RRBP1: variants seen among roughly 807,000 people sequenced by gnomAD.
The protein encoded by RRBP1 is ribosome-binding protein 1.
Under a neutral mutation model 165.2 loss-of-function variants are expected in RRBP1, and 94 were observed. The ratio of observed to expected loss-of-function variants is 0.57; its 90% CI spans 0.48 to 0.68. The LOEUF is 0.68. Among genes scored for constraint, RRBP1 ranks in the 30% least tolerant of loss-of-function variants. The probability of loss-of-function intolerance (pLI) is 0.00; values close to 1 mark genes in which losing one functional copy is unlikely to be tolerated. For synonymous variants in RRBP1, 680 were observed against 714.5 expected (o/e 0.95, Z 0.77); for missense variants, 1,676 against 1,763.0 (o/e 0.95, Z 0.88).
intron 2 of RRBP1, among the ~76,000 whole-genome samples, chr20:17,674,546 G>T (rs933090215): frequency 6.6e-6 from 1 of 152,050 alleles, no homozygotes; most frequent in Admixed American, 6.6e-5. Context: ...GGTGGATCAC[G>T]AGGTCAGGAG....
intron 2 of RRBP1, among the ~76,000 whole-genome samples, chr20:17,666,341 T>TAA (rs77772144): frequency 0.13 from 18,587 of 142,400 alleles, 1,343 homozygotes; most frequent in Middle Eastern, 0.24. Context: ...CCCTGTCTCT[T>TAA]AAAAAAAAAA....
At chr20:17,625,092 G>C (rs2035990977) in intron 12 of RRBP1, among the ~76,000 whole-genome samples, 1 of 152,142 alleles carries the variant, frequency 6.6e-6, no homozygotes, top group Non-Finnish European at 1.5e-5. Flanking sequence ...AACAGGGCCA[G>C]CCAGCAAGCC....
intron 12 of RRBP1, among the ~76,000 whole-genome samples, 200 bp from the exon 13 acceptor site, chr20:17,624,868 C>T (rs1401611721): frequency 2.6e-5 from 4 of 152,340 alleles, no homozygotes; most frequent in Admixed American, 6.5e-5. Context: ...TAGCCAGAGG[C>T]GGGCAGCATG....
At chr20:17,617,582 A>G (rs2035825665) in intron 20 of RRBP1, among the ~76,000 whole-genome samples, 1 of 152,182 alleles carries the variant, frequency 6.6e-6, no homozygotes, top group Non-Finnish European at 1.5e-5. Context: ...TTTTCTCTGC[A>G]CATCCCCGGC....
rs75194649 is a variant in RRBP1 at position 17,661,549 on chromosome 20, C to A, written c.-21-1021G>T. The stretch of plus-strand genomic sequence containing the variant: ...AGGTTCATACACCTTCCTGCCACAG[C>A]CCGGGCTAAGTTCGACTTCACTGAG... On this transcript the variant is annotated intron_variant, in intron 2 of 24. Transcript: ENST00000377813. Among the ~76,000 whole-genome samples, 606 of 152,306 alleles carry A rather than the reference C, an allele frequency of 4.0e-3. 9 individuals are homozygous for A. The highest frequency in any genetic ancestry group is 0.014 in the African/African-American group (568 of 41,562).
chr20:17,665,872 A>G (rs1747102355), intron 2 of RRBP1, among the ~76,000 whole-genome samples: 1 of 152,178 alleles, frequency 6.6e-6, no homozygotes, highest in Non-Finnish European at 1.5e-5. Context: ...CCAGGAATTT[A>G]CTTTGGTATG....
chr20:17,632,962 A>T (rs59437065), intron 8 of RRBP1, among the ~76,000 whole-genome samples: 1 of 152,242 alleles, frequency 6.6e-6, no homozygotes, highest in Non-Finnish European at 1.5e-5. Flanking sequence ...TTGAAGCCAG[A>T]GGCTGCGTCC....
At position 17,643,338 on chromosome 20, in the gene RRBP1, C is replaced by T. The variant is rs1262212360; in HGVS notation, c.1913-211G>A. On this transcript the variant is annotated intron_variant, in intron 3 of 24. Transcript: ENST00000377813. This position sits in a 1 kb window ranked among gnomAD's most constrained non-coding sequence, Gnocchi z 4.3. ...CTGACTCAACGATAGGTCCCTGCACCGTCCTAACTCGCCCATAGGAAGTCC... is the reference window on the plus strand; with the variant it reads ...CTGACTCAACGATAGGTCCCTGCACTGTCCTAACTCGCCCATAGGAAGTCC... 6.6e-6 allele frequency among the ~76,000 whole-genome samples: 1 copy of T among 152,042 alleles called. No homozygotes were observed. The highest frequency in any genetic ancestry group is 1.5e-5 in the Non-Finnish European group (1 of 67,996).
chr20:17,653,789 G>A lies in RRBP1; in HGVS notation c.1912+4807C>T, dbSNP rs6044937. On this transcript the variant is annotated intron_variant, in intron 3 of 24. Coordinates refer to ENST00000377813, the MANE Select transcript of RRBP1 (RefSeq NM_001365613.2). The stretch of plus-strand genomic sequence containing the variant: ...GCAGAGGTTGCAGTGAGCCGAGATC[G>A]TGCCATTACATGCCAGCCTGGGTGA... 3.1e-3 allele frequency among the ~76,000 whole-genome samples: 469 copies of A among 150,040 alleles called. 3 individuals are homozygous for A. The highest frequency in any genetic ancestry group is 0.011 in the African/African-American group (442 of 40,684).
chr20:17,631,354 G>C (rs1395356575), intron 8 of RRBP1, among the ~76,000 whole-genome samples: 1 of 152,244 alleles, frequency 6.6e-6, no homozygotes, highest in Non-Finnish European at 1.5e-5. Flanking sequence ...TCAGACTGCA[G>C]GGAGACTGAC....
At chr20:17,657,964 A>G (rs1287912777) in intron 3 of RRBP1, among the ~76,000 whole-genome samples, 1 of 152,236 alleles carries the variant, frequency 6.6e-6, no homozygotes, top group Admixed American at 6.5e-5. Flanking sequence ...AGAACATCGA[A>G]CAGGCTGACA....
intron 1 of RRBP1, among the ~76,000 whole-genome samples, chr20:17,680,911 G>GA: frequency 6.6e-6 from 1 of 152,290 alleles, no homozygotes; most frequent in East Asian, 1.9e-4. Flanking sequence ...CCGATTTGCA[G>GA]ACCAGGAAAT....
intron 2 of RRBP1, among the ~76,000 whole-genome samples, chr20:17,675,547 G>C (rs774942250): frequency 2.0e-5 from 3 of 151,778 alleles, no homozygotes; most frequent in African/African-American, 4.8e-5. Context: ...AAGGGGGGCA[G>C]GGAGTGGGGG....
intron 2 of RRBP1, among the ~76,000 whole-genome samples, chr20:17,660,974 C>T (rs1269620677): frequency 6.6e-6 from 1 of 152,028 alleles, no homozygotes; most frequent in African/African-American, 2.4e-5. Context: ...TGGCCGATTG[C>T]CCTAGAAATG....
At chr20:17,660,845 C>A (rs933000320) in intron 2 of RRBP1, among the ~76,000 whole-genome samples, 2 of 152,154 alleles carry the variant, frequency 1.3e-5, no homozygotes, top group African/African-American at 4.8e-5. Flanking sequence ...ATATTCCCCA[C>A]CCAAGGTCAA....
At position 17,613,703 on chromosome 20, in the gene RRBP1, TGGC is replaced by T. The variant is rs2035733465; in HGVS notation, c.*476_*478del. On this transcript the variant is annotated 3_prime_UTR_variant, in exon 25 of 25. Transcript: ENST00000377813. ...CACCGGGCACCAACGTTGGTTTTAA[TGGC>T]ATCAACACCCAGGAGGTCACACGTC... 1 of 153,716 alleles carries T rather than the reference TGGC, an allele frequency of 6.5e-6. No homozygotes were observed. Among genetic ancestry groups the T allele is most frequent in the Non-Finnish European group, 1.4e-5 (1 of 69,026 alleles). 9.5% of individuals were successfully genotyped at this position (153,716 alleles called of 1,614,324 possible).
Position 17,614,066 on chromosome 20 carries a change from G to A in RRBP1, c.*116C>T, listed in dbSNP as rs1043010886. 4.2e-5 allele frequency: 40 copies of A among 950,954 alleles called. No homozygotes were observed. The highest frequency in any genetic ancestry group is 2.8e-4 in the South Asian group (20 of 72,320). The allele number at this position is 950,954 out of a possible 1,614,324, so 58.9% of individuals were successfully genotyped here. A position where few individuals can be genotyped will look rare whatever the true frequency, so the allele number is the denominator to read the frequency against. Reference sequence around the variant, plus strand: ...AGACTTGTCTCTCATGGCTTCTCTCGGAGCTACCGGAAGTTGGGCCTGGAT... The same window carrying A: ...AGACTTGTCTCTCATGGCTTCTCTCAGAGCTACCGGAAGTTGGGCCTGGAT... On this transcript the variant is annotated 3_prime_UTR_variant, in exon 25 of 25. Coordinates refer to ENST00000377813, the MANE Select transcript of RRBP1 (RefSeq NM_001365613.2).
chr20:17,672,393 C>A lies in RRBP1; in HGVS notation c.-22+7606G>T, dbSNP rs2036994845. Among the ~76,000 whole-genome samples the A allele has an allele frequency of 1.3e-5, 2 of 152,222 alleles. 1 individual carries two copies. The highest frequency in any genetic ancestry group is 4.1e-4 in the South Asian group (2 of 4,830). On this transcript the variant is annotated intron_variant, in intron 2 of 24. Transcript: ENST00000377813. ...CCTCACAAGCCCTTTTCCCAAGGCC[C>A]ACCTTTGATTAACGAATTCTGCCAG...
At chr20:17,675,532 C>T (rs2037063553) in intron 2 of RRBP1, among the ~76,000 whole-genome samples, 1 of 137,518 alleles carries the variant, frequency 7.3e-6, no homozygotes, top group African/African-American at 2.8e-5. Flanking sequence ...GAAAGTGATG[C>T]AGAGAAGGGG....
Sources: allele counts gnomAD v4.1 joint callset (sites outside exome capture counted in the v4.1 genomes callset), GRCh38; gene constraint gnomAD v4.1.1; non-coding constraint Gnocchi (gnomAD v3.1); transcripts MANE v1.5; gene names NCBI Gene and HGNC (gene_info 2026-07-23, HGNC 2026-07-21).